Variants in MUC5B observed in about 807,000 individuals in gnomAD.
The protein encoded by MUC5B is mucin-5B.
In MUC5B, 116 loss-of-function variants were observed where a neutral mutation model predicts 376.9. The ratio of observed to expected loss-of-function variants is 0.31; its 90% CI spans 0.26 to 0.36. The LOEUF is 0.36. Ranked by LOEUF, MUC5B falls within the 10% of genes least tolerant of loss-of-function variation. The pLI, the probability that MUC5B is intolerant of heterozygous loss-of-function variation, is 1.00. For missense variants in MUC5B, 7,165 were observed against 7,769.9 expected (o/e 0.92, Z 2.93); for synonymous variants, 3,517 against 3,390.9 (o/e 1.04, Z -1.29).
rs1050323088 is a variant in MUC5B, at chr11:1,261,526, G to A, written c.17207G>A (p.Gly5736Asp). 4 of 1,607,124 alleles carry A rather than the reference G, an allele frequency of 2.5e-6. No homozygotes were observed. Among genetic ancestry groups the A allele is most frequent in the Non-Finnish European group, 2.5e-6 (3 of 1,177,754 alleles). Residue 5736 changes from glycine to aspartate, a missense_variant, in exon 49 of 49, where the codon GGC becomes GAC. Physicochemically the swap from Gly to Asp is moderately conservative, Grantham distance 94. Transcript: ENST00000529681. ...ACCTACACCCACGTGGATGAGTGTG[G>A]CTGCACGCCCTTCTGTGTCCCTGCG... ...LHTYTHVDECGCTPFCVPAPM... is the reference protein window; with the variant it reads ...LHTYTHVDECDCTPFCVPAPM...
chr11:1,241,531 G>T lies in MUC5B; in HGVS notation c.4651G>T (p.Ala1551Ser). ...CQQPKDIECQ[A>S]ESFPNWTLAQ... is the part of the protein sequence containing the mutation. The stretch of plus-strand genomic sequence containing the variant: ...GCAGCCTAAGGACATAGAGTGCCAG[G>T]CCGAGAGCTTCCCCAACTGGACCCT... The change falls in exon 31 of 49, where the codon GCC (alanine) becomes TCC (serine). Residue 1551 changes from alanine (A) to serine (S), a missense_variant. Around this residue, in one of 31 missense-constraint regions of MUC5B, gnomAD observed 517 missense variants for 545.3 expected, o/e 0.95. Transcript: ENST00000529681. The T allele has an allele frequency of 1.2e-6, 2 of 1,613,008 alleles. No homozygotes were observed. Among genetic ancestry groups the T allele is most frequent in the Non-Finnish European group, 1.7e-6 (2 of 1,179,620 alleles).
Position 1,236,567 on chromosome 11 carries a change from G to A in MUC5B, c.3057+5G>A. 6.2e-7 allele frequency: 1 copy of A among 1,611,856 alleles called. No homozygotes were observed. Among genetic ancestry groups the A allele is most frequent in the Non-Finnish European group, 8.5e-7 (1 of 1,179,380 alleles). On this transcript the variant is annotated splice_donor_5th_base_variant and intron_variant, in intron 24 of 48. Transcript: ENST00000529681. ...CGACTGCACCAGGACTACAAGGTGA[G>A]CTCGGGCCGTGCACTCCTAGGCCCT...
chr11:1,261,561 C>A lies in MUC5B; in HGVS notation c.17242C>A (p.Pro5748Thr), dbSNP rs752257330. The part of the protein sequence containing the change: ...TPFCVPAPMA[P>T]PHTRGFPAQE... Reference sequence around the variant, plus strand: ...CTTCTGTGTCCCTGCGCCCATGGCTCCCCCACACACCCGTGGCTTCCCGGC... The same window carrying A: ...CTTCTGTGTCCCTGCGCCCATGGCTACCCCACACACCCGTGGCTTCCCGGC... Residue 5748 changes from proline (P) to threonine (T), a missense_variant, in exon 49 of 49, where the codon CCC becomes ACC. Pro to Thr is a conservative substitution (Grantham distance 38). This residue lies in a region of MUC5B where 842 missense variants were observed against 1,016.9 expected (regional missense o/e 0.83). Transcript: ENST00000529681. The A allele has an allele frequency of 2.5e-6, 4 of 1,608,290 alleles. No homozygotes were observed. In the Admixed American group the frequency reaches 6.7e-5, roughly 27 times the overall value.
At position 1,243,167 on chromosome 11, in the gene MUC5B, C is replaced by T. The variant is rs754448628; in HGVS notation, c.6287C>T (p.Pro2096Leu). Residue 2096 changes from proline to leucine, a missense_variant, in exon 31 of 49, where the codon CCG becomes CTG. Transcript: ENST00000529681. ...RGSTVTPSSI[P>L]GTTHTATVLT... is the part of the protein sequence containing the mutation. ...TCCACGGTGACCCCCTCCTCCATCCCGGGGACCACCCACACCGCCACAGTG... is the reference window on the plus strand; with the variant it reads ...TCCACGGTGACCCCCTCCTCCATCCTGGGGACCACCCACACCGCCACAGTG... 2.1e-5 allele frequency: 33 copies of T among 1,607,818 alleles called. No homozygotes were observed. The highest frequency in any genetic ancestry group is 1.9e-4 in the South Asian group (17 of 90,856).
Position 1,253,371 on chromosome 11 carries a change from CA to C in MUC5B, c.15217+392del, listed in dbSNP as rs1862754224. Among the ~76,000 whole-genome samples, 1 of 152,106 alleles carries C rather than the reference CA, an allele frequency of 6.6e-6. No homozygotes were observed. Among genetic ancestry groups the C allele is most frequent in the Non-Finnish European group, 1.5e-5 (1 of 68,014 alleles). On this transcript the variant is annotated intron_variant, in intron 33 of 48. Transcript: ENST00000529681. The surrounding 1 kb of genome is among the most constrained non-coding windows in gnomAD (Gnocchi z 4.3). ...TGTGTGGTTTGAAAGGGACCCTGCC[CA>C]GGGGCTTCTGGGGCCAGGAGAAGCT... is the stretch of plus-strand genomic sequence containing the variant.
rs1203503841 is a variant in MUC5B, at chr11:1,243,809, T to C, written c.6929T>C (p.Val2310Ala). 7.4e-6 allele frequency: 12 copies of C among 1,611,578 alleles called. No homozygotes were observed. The highest frequency in any genetic ancestry group is 1.0e-5 in the Non-Finnish European group (12 of 1,179,610). ...SPTSAPITTV[V>A]TMGCEPQCAW... The stretch of plus-strand genomic sequence containing the variant: ...ACATCGGCCCCCATAACCACGGTGG[T>C]GACCATGGGCTGTGAGCCCCAGTGT... Residue 2310 changes from valine (V) to alanine (A), a missense_variant, in exon 31 of 49, where the codon GTG becomes GCG. Physicochemically the swap from Val to Ala is moderately conservative, Grantham distance 64. This residue lies in a region of MUC5B where 26 missense variants were observed against 36.2 expected (regional missense o/e 0.72). Coordinates refer to ENST00000529681, the MANE Select transcript of MUC5B (RefSeq NM_002458.3).
In MUC5B at chr11:1,242,631, T is replaced by A. The variant is rs376961688; in HGVS notation, c.5751T>A (p.Thr1917=). Residue 1917 remains threonine (T), a synonymous_variant, in exon 31 of 49, where the codon ACT becomes ACA. Transcript: ENST00000529681. ...AGCCGACCACAACAGCCACTACGAC[T>A]GCGTCCACTGGATCCACGGCCACCC... ...LTKPTTTATT[T]ASTGSTATPT... is the part of the protein sequence containing the mutation. 3.1e-6 allele frequency: 5 copies of A among 1,613,178 alleles called. No homozygotes were observed. Among genetic ancestry groups the A allele is most frequent in the Admixed American group, 3.3e-5 (2 of 59,944 alleles).
rs375991593 is a variant in MUC5B, at chr11:1,247,182, T to C, written c.10302T>C (p.Thr3434=). The part of the protein sequence containing the change: ...TTPAATSSTV[T]PSSALGTTHT... ...CTGCAGCCACCAGCAGCACAGTGAC[T>C]CCCTCCTCTGCCCTAGGGACCACCC... is the stretch of plus-strand genomic sequence containing the variant. Residue 3434 remains threonine, a synonymous_variant, in exon 31 of 49, where the codon ACT becomes ACC. Transcript: ENST00000529681. 2.1e-4 allele frequency: 324 copies of C among 1,556,074 alleles called. 1 individual carries two copies. In the African/African-American group the frequency reaches 4.0e-3, roughly 19 times the overall value.
Position 1,240,977 on chromosome 11 carries a change from A to T in MUC5B, c.4097A>T (p.Gln1366Leu), listed in dbSNP as rs1862268073. 1.2e-6 allele frequency: 2 copies of T among 1,613,468 alleles called. No homozygotes were observed. The highest frequency in any genetic ancestry group is 2.7e-5 in the African/African-American group (2 of 75,064). ...TTTGAGACGTTTGAAAACCTGAGGC[A>T]GAGAGGGTACCAGGTATGCCCTGTG... ...GDFETFENLRQRGYQVCPVLA... is the reference protein window; with the variant it reads ...GDFETFENLRLRGYQVCPVLA... The change falls in exon 31 of 49, where the codon CAG becomes CTG. Residue 1366 changes from glutamine (Q) to leucine (L), a missense_variant. Coordinates refer to ENST00000529681, the MANE Select transcript of MUC5B (RefSeq NM_002458.3).
Position 1,250,879 on chromosome 11 carries a change from C to G in MUC5B, c.13999C>G (p.Pro4667Ala), listed in dbSNP as rs750547196. The G allele has an allele frequency of 1.4e-5, 23 of 1,593,174 alleles. No individual in the cohort carries two copies. Among genetic ancestry groups the G allele is most frequent in the South Asian group, 1.3e-4 (12 of 89,310 alleles). Residue 4667 changes from proline (P) to alanine (A), a missense_variant, in exon 31 of 49, where the codon CCC becomes GCC. Coordinates refer to ENST00000529681, the MANE Select transcript of MUC5B (RefSeq NM_002458.3). ...TGTGGCCACTGGTTCTATGGCAACA[C>G]CCTCCTCTAGCACACAGACCAGTGG... Reference protein sequence around the residue: ...TTVATGSMATPSSSTQTSGTP... With the variant: ...TTVATGSMATASSSTQTSGTP...
At position 1,240,923 on chromosome 11, in the gene MUC5B, G is replaced by C. The variant is rs199966704; in HGVS notation, c.4043G>C (p.Arg1348Pro). 1.9e-6 allele frequency: 3 copies of C among 1,612,918 alleles called. No individual in the cohort carries two copies. Among genetic ancestry groups the C allele is most frequent in the Non-Finnish European group, 2.5e-6 (3 of 1,179,854 alleles). Residue 1348 changes from arginine (R) to proline (P), a missense_variant, in exon 31 of 49, where the codon CGC (arginine) becomes CCC (proline). Physicochemically the swap from Arg to Pro is moderately radical, Grantham distance 103. Around this residue, in one of 31 missense-constraint regions of MUC5B, gnomAD observed 517 missense variants for 545.3 expected, o/e 0.95. Coordinates refer to ENST00000529681, the MANE Select transcript of MUC5B (RefSeq NM_002458.3). ...TGGTCCAGCTGGTACAATGGGCACC[G>C]CCCAGAGCCCGGCCTGGGAGGCGGA... Reference protein sequence around the residue: ...CRWSSWYNGHRPEPGLGGGDF... With the variant: ...CRWSSWYNGHPPEPGLGGGDF...
At chr11:1,256,875 A>T in intron 39 of MUC5B, 104 bp downstream of exon 39, 1 of 916,180 alleles carries the variant, frequency 1.1e-6, no homozygotes, top group African/African-American at 1.7e-5. Context: ...CCCTCTCCCC[A>T]GCTGACCCCC....
chr11:1,260,112 C>G (rs760493707), intron 46 of MUC5B, 27 bp downstream of exon 46: 2 of 1,609,578 alleles, frequency 1.2e-6, no homozygotes, highest in East Asian at 2.2e-5. Flanking sequence ...CTGCCCCTGC[C>G]TGGGAGTCCT....
Position 1,227,781 on chromosome 11 carries a change from G to T in MUC5B, c.774G>T (p.Glu258Asp). 1.4e-6 allele frequency: 1 copy of T among 707,172 alleles called. No homozygotes were observed. The allele number at this position is 707,172 out of a possible 1,614,324, so 43.8% of individuals were successfully genotyped here. The change falls in exon 7 of 49, where the codon GAG becomes GAT. Residue 258 changes from glutamate (E) to aspartate (D), a missense_variant and splice_region_variant. Glu to Asp is a conservative substitution (Grantham distance 45). Coordinates refer to ENST00000529681, the MANE Select transcript of MUC5B (RefSeq NM_002458.3). ...TGCCGGCCGGCAACTGCACGGACGA[G>T]GTGAGTCCCCCGCCACCCCCAGCTC... The part of the protein sequence containing the change: ...LPLPAGNCTD[E>D]EGICHRTLLG...
At position 1,234,277 on chromosome 11, in the gene MUC5B, G is replaced by T. The variant is rs376402272; in HGVS notation, c.2450G>T (p.Arg817Leu). Residue 817 changes from arginine (R) to leucine (L), a missense_variant, in exon 20 of 49, where the codon CGG (arginine) becomes CTG (leucine). This residue lies in a region of MUC5B where 530 missense variants were observed against 604.0 expected (regional missense o/e 0.88). Transcript: ENST00000529681. The surrounding 1 kb of genome is among the most constrained non-coding windows in gnomAD (Gnocchi z 6.3). Reference sequence around the variant, plus strand: ...GGCACCCCTGGGGCCGAGTGCCTCCGGAGCTGCCACACGCTGGACGTGGGC... The same window carrying T: ...GGCACCCCTGGGGCCGAGTGCCTCCTGAGCTGCCACACGCTGGACGTGGGC... ...SAGTPGAECL[R>L]SCHTLDVGCF... The T allele has an allele frequency of 6.2e-7, 1 of 1,606,818 alleles. No homozygotes were observed. Among genetic ancestry groups the T allele is most frequent in the Non-Finnish European group, 8.5e-7 (1 of 1,178,122 alleles).
Position 1,232,065 on chromosome 11 carries a change from C to T in MUC5B, c.1748C>T (p.Thr583Met), listed in dbSNP as rs745670933. 1.4e-5 allele frequency: 22 copies of T among 1,612,654 alleles called. No individual in the cohort carries two copies. The highest frequency in any genetic ancestry group is 5.0e-5 in the Admixed American group (3 of 59,972). Residue 583 changes from threonine (T) to methionine (M), a missense_variant, in exon 15 of 49, where the codon ACG (threonine) becomes ATG (methionine). Coordinates refer to ENST00000529681, the MANE Select transcript of MUC5B (RefSeq NM_002458.3). ...FTALSGVVEA[T>M]GAAFANTWKA... ...GCCCTCAGCGGGGTGGTGGAGGCCA[C>T]GGGCGCAGCCTTCGCCAACACCTGG...
chr11:1,241,451 G>A lies in MUC5B; in HGVS notation c.4571G>A (p.Gly1524Glu). The A allele has an allele frequency of 4.3e-6, 7 of 1,613,534 alleles. No individual in the cohort carries two copies. The highest frequency in any genetic ancestry group is 5.9e-6 in the Non-Finnish European group (7 of 1,179,574). ...GACTACCCCAAGTCTGAACAACTTG[G>A]AGGGGACGTTGAGTCCTACGATAAG... ...DEDYPKSEQL[G>E]GDVESYDKIR... The change falls in exon 31 of 49, where the codon GGA becomes GAA. Residue 1524 changes from glycine (G) to glutamate (E), a missense_variant. Transcript: ENST00000529681.
chr11:1,250,965 C>G lies in MUC5B; in HGVS notation c.14085C>G (p.Asn4695Lys), dbSNP rs1477925126. Residue 4695 changes from asparagine (N) to lysine (K), a missense_variant, in exon 31 of 49, where the codon AAC (asparagine) becomes AAG (lysine). By Grantham distance (94) the Asn-to-Lys change is moderately conservative. Coordinates refer to ENST00000529681, the MANE Select transcript of MUC5B (RefSeq NM_002458.3). ...TTITATGSTT[N>K]PSSTPGTTPI... ...TCACGGCCACCGGCTCCACCACCAA[C>G]CCCTCCTCAACTCCAGGGACAACAC... The G allele has an allele frequency of 4.3e-6, 7 of 1,611,010 alleles. No homozygotes were observed. The highest frequency in any genetic ancestry group is 2.7e-5 in the African/African-American group (2 of 74,792).
rs775191740 is a variant in MUC5B, at chr11:1,243,632, C to A, written c.6752C>A (p.Ala2251Asp). 2.1e-5 allele frequency: 34 copies of A among 1,611,138 alleles called. No individual in the cohort carries two copies. The highest frequency in any genetic ancestry group is 2.6e-5 in the Non-Finnish European group (31 of 1,179,458). ...TTGTTQHSTP[A>D]LSSPHPSSRT... ...GGTACCACCCAGCACTCGACTCCAG[C>A]CCTTTCCAGCCCTCACCCTAGCAGC... Residue 2251 changes from alanine to aspartate, a missense_variant, in exon 31 of 49, where the codon GCC becomes GAC. By Grantham distance (126) the Ala-to-Asp change is moderately radical (BLOSUM62 -2). Transcript: ENST00000529681.
Sources: gnomAD v4.1 joint callset for allele counts (sites outside exome capture counted in the v4.1 genomes callset) on GRCh38, gnomAD v4.1.1 for gene constraint, gnomAD v4.1.1 regional missense constraint, Gnocchi (gnomAD v3.1) non-coding constraint, MANE v1.5 for transcripts, NCBI Gene and HGNC (gene_info 2026-07-23, HGNC 2026-07-21) for gene names.